SNX29: variants seen among roughly 807,000 people sequenced by gnomAD.
SNX29 encodes the protein sorting nexin-29.
A neutral mutation model predicts 102.1 loss-of-function variants in SNX29; 78 were observed. The ratio of observed to expected loss-of-function variants is 0.76; its 90% confidence interval spans 0.64 to 0.92. The LOEUF (loss-of-function observed/expected upper bound fraction) is 0.92. Ranked by LOEUF, SNX29 falls within the 40% of genes least tolerant of loss-of-function variation. SNX29 has a pLI of 0.00. For synonymous variants in SNX29, 580 were observed against 414.5 expected, an observed-to-expected ratio of 1.40 and a Z score of -4.85; for missense variants, 1,280 against 1,061.7, an observed-to-expected ratio of 1.21 and a Z score of -2.86.
chr16:12,238,920 A>G (rs951811422), intron 14 of SNX29, among the ~76,000 whole-genome samples: 5 of 152,132 alleles, frequency 3.3e-5, no homozygotes, highest in Non-Finnish European at 5.9e-5. Flanking sequence ...TGCCTGTTGA[A>G]GCTCTAGCCA....
At chr16:12,436,395 G>T (rs190934534) in intron 18 of SNX29, among the ~76,000 whole-genome samples, 12 of 152,360 alleles carry the variant, frequency 7.9e-5, no homozygotes, top group Admixed American at 7.2e-4. Context: ...AGTGCGATGC[G>T]TGACATTTCC....
At chr16:12,009,883 C>T (rs1363331034) in intron 3 of SNX29, among the ~76,000 whole-genome samples, 2 of 152,186 alleles carry the variant, frequency 1.3e-5, no homozygotes, top group Non-Finnish European at 2.9e-5. Flanking sequence ...GTGATTGTTC[C>T]GCCAAGGCGT....
At chr16:12,446,211 A>T (rs773204293) in intron 18 of SNX29, among the ~76,000 whole-genome samples, 4 of 151,874 alleles carry the variant, frequency 2.6e-5, no homozygotes, top group Non-Finnish European at 5.9e-5. Context: ...GTGCACCACC[A>T]TGCCCGGCTA....
intron 14 of SNX29, among the ~76,000 whole-genome samples, chr16:12,218,454 C>T (rs1221856510): frequency 2.6e-5 from 4 of 152,208 alleles, no homozygotes; most frequent in African/African-American, 9.6e-5. Flanking sequence ...GGATCATGGC[C>T]ATATTCATTC....
chr16:12,106,648 A>ATT lies in SNX29; in HGVS notation c.1403-19974_1403-19973dup, dbSNP rs57242428. Among the ~76,000 whole-genome samples, 1,293 of 142,312 alleles carry ATT rather than the reference A, an allele frequency of 9.1e-3. 21 individuals are homozygous for ATT. Among genetic ancestry groups the ATT allele is most frequent in the African/African-American group, 0.03 (1,155 of 38,890 alleles). The allele number at this position is 142,312 out of a possible 152,430, so 93.4% of individuals were successfully genotyped here. A position where few individuals can be genotyped will look rare whatever the true frequency, so the allele number is the denominator to read the frequency against. ...GCCACCATGCCTGGCTCATTTTTCTATTTTTTTTTTTTGGTAGAGACAGGG... is the reference window on the plus strand; with the variant it reads ...GCCACCATGCCTGGCTCATTTTTCTATTTTTTTTTTTTTTGGTAGAGACAGGG... On this transcript the variant is annotated intron_variant, in intron 11 of 20. Transcript: ENST00000566228.
At chr16:12,085,835 T>C (rs1264101728) in intron 11 of SNX29, among the ~76,000 whole-genome samples, 2 of 152,154 alleles carry the variant, frequency 1.3e-5, no homozygotes, top group African/African-American at 2.4e-5. Context: ...TATTCTCTTT[T>C]GTATAAGAAA....
chr16:12,278,364 A>G (rs1257680451), intron 15 of SNX29, among the ~76,000 whole-genome samples: 1 of 152,240 alleles, frequency 6.6e-6, no homozygotes, highest in Non-Finnish European at 1.5e-5. Context: ...GTGCTGTTAA[A>G]TGTGAAAATA....
chr16:12,022,359 C>G (rs557849334), intron 3 of SNX29, among the ~76,000 whole-genome samples: 1 of 152,080 alleles, frequency 6.6e-6, no homozygotes, highest in East Asian at 1.9e-4. Flanking sequence ...TGCCACCACA[C>G]CCAGCTAATT....
At position 11,979,214 on chromosome 16, in the gene SNX29, G is replaced by T. The variant is rs146651867; in HGVS notation, c.7+2401G>T. On this transcript the variant is annotated intron_variant, in intron 1 of 20. Coordinates refer to ENST00000566228, the MANE Select transcript of SNX29 (RefSeq NM_032167.5). ...CTCTTGAACCCAGGAGGTGGACATT[G>T]CAGTGAGCGGTGATCATGCCACTGC... Among the ~76,000 whole-genome samples, 162 of 133,232 alleles carry T rather than the reference G, an allele frequency of 1.2e-3. 2 individuals are homozygous for T. The highest frequency in any genetic ancestry group is 4.1e-3 in the African/African-American group (147 of 35,860). 87.4% of individuals were successfully genotyped at this position (133,232 alleles called of 152,430 possible).
chr16:12,219,153 A>G (rs913113211), intron 14 of SNX29, among the ~76,000 whole-genome samples: 1 of 151,990 alleles, frequency 6.6e-6, no homozygotes, highest in African/African-American at 2.4e-5. Context: ...GGCAGGAAGG[A>G]GGTTCAGAAG....
chr16:12,448,872 T>C (rs1044893381), intron 18 of SNX29, among the ~76,000 whole-genome samples: 11 of 152,294 alleles, frequency 7.2e-5, no homozygotes, highest in Middle Eastern at 3.4e-3. Context: ...CTTTGCCTTT[T>C]GGACGGTAGT....
chr16:12,404,383 A>T (rs2084081360), intron 18 of SNX29, among the ~76,000 whole-genome samples: 1 of 152,020 alleles, frequency 6.6e-6, no homozygotes, highest in Admixed American at 6.5e-5. Context: ...CCCTGCCCAC[A>T]GCTCGTCTGC....
intron 15 of SNX29, chr16:12,297,098 T>C (rs1381202990): frequency 2.0e-5 from 3 of 152,398 alleles, no homozygotes; most frequent in African/African-American, 4.8e-5. Context: ...GATATACCAC[T>C]TTTTTCCCCC....
chr16:12,314,044 C>T (rs921811325), intron 15 of SNX29, among the ~76,000 whole-genome samples: 14 of 152,254 alleles, frequency 9.2e-5, no homozygotes, highest in African/African-American at 3.1e-4. Context: ...GGAGCATAGT[C>T]GTGCACTCAC....
At chr16:12,537,434 C>G (rs879739284) in intron 20 of SNX29, among the ~76,000 whole-genome samples, 1 of 152,218 alleles carries the variant, frequency 6.6e-6, no homozygotes, top group Non-Finnish European at 1.5e-5. Flanking sequence ...AACTACATAG[C>G]AGCCTTGTGA....
intron 10 of SNX29, among the ~76,000 whole-genome samples, chr16:12,072,933 T>C: frequency 6.6e-6 from 1 of 152,226 alleles, no homozygotes; most frequent in Non-Finnish European, 1.5e-5. Context: ...CCATTTCTTC[T>C]AGATTTTCTA....
chr16:12,148,339 C>T (rs1434589286), intron 13 of SNX29, among the ~76,000 whole-genome samples: 1 of 152,138 alleles, frequency 6.6e-6, no homozygotes, highest in Non-Finnish European at 1.5e-5. Context: ...TGAGCACATT[C>T]CCTCTTGTTT....
intron 19 of SNX29, among the ~76,000 whole-genome samples, chr16:12,511,781 G>A (rs767778101): frequency 3.9e-5 from 6 of 151,940 alleles, no homozygotes; most frequent in East Asian, 1.9e-4. Context: ...CCCCTCCCCC[G>A]CAACTTTAGA....
At chr16:12,181,551 C>G (rs1426846145) in intron 13 of SNX29, among the ~76,000 whole-genome samples, 1 of 152,128 alleles carries the variant, frequency 6.6e-6, no homozygotes, top group East Asian at 1.9e-4. Flanking sequence ...CTAAGCAGTT[C>G]CCAGCTTGAC....
Sources: allele counts gnomAD v4.1 joint callset (sites outside exome capture counted in the v4.1 genomes callset), GRCh38; gene constraint gnomAD v4.1.1; transcripts MANE v1.5; gene names NCBI Gene and HGNC (gene_info 2026-07-23, HGNC 2026-07-21).